RBM8A: variants seen among roughly 807,000 people sequenced by gnomAD.
RBM8A encodes RNA-binding protein 8A.
RBM8A carries 8 observed loss-of-function variants against 25.1 expected under a neutral mutation model. The ratio of observed to expected loss-of-function variants is 0.32; its 90% CI spans 0.19 to 0.58. The LOEUF (loss-of-function observed/expected upper bound fraction) is 0.58. Ranked by LOEUF, RBM8A falls within the 20% of genes least tolerant of loss-of-function variation. The pLI is 0.88. For synonymous variants in RBM8A, 66 were observed against 80.0 expected (o/e 0.82, Z 0.94); for missense variants, 114 against 236.8 (o/e 0.48, Z 3.40).
In RBM8A at chr1:145,923,688, T is replaced by A; in HGVS notation, c.*2194A>T. 1 of 402,532 alleles carries A rather than the reference T, an allele frequency of 2.5e-6. No homozygotes were observed. The highest frequency in any genetic ancestry group is 4.4e-6 in the Non-Finnish European group (1 of 226,532). The allele number at this position is 402,532 out of a possible 1,614,324, so 24.9% of individuals were successfully genotyped here. A position where few individuals can be genotyped will look rare whatever the true frequency, so the allele number is the denominator to read the frequency against. On this transcript the variant is annotated 3_prime_UTR_variant, in exon 6 of 6. Coordinates refer to ENST00000583313, the MANE Select transcript of RBM8A (RefSeq NM_005105.5). ...GTTAAATTTTATTATTTAACATTCT[T>A]TACCATTATAGTTACTGCACATAAG... is the stretch of plus-strand genomic sequence containing the variant.
chr1:145,926,189 G>GA lies in RBM8A; in HGVS notation c.343-13dup. 1 of 1,611,680 alleles carries GA rather than the reference G, an allele frequency of 6.2e-7. No individual in the cohort carries two copies. The highest frequency in any genetic ancestry group is 8.5e-7 in the Non-Finnish European group (1 of 1,178,864). On this transcript the variant is annotated splice_polypyrimidine_tract_variant and intron_variant, in intron 4 of 5. Coordinates refer to ENST00000583313, the MANE Select transcript of RBM8A (RefSeq NM_005105.5). ...ACTAGAGTATACCCCTGGGGAAAGT[G>GA]AAAAGACAGATATGAAAACCCTCCT...
chr1:145,926,065 C>T lies in RBM8A; in HGVS notation c.455G>A (p.Arg152Gln), dbSNP rs782236279. 6.2e-7 allele frequency: 1 copy of T among 1,614,210 alleles called. No homozygotes were observed. The highest frequency in any genetic ancestry group is 8.5e-7 in the Non-Finnish European group (1 of 1,180,036). Residue 152 changes from arginine (R) to glutamine (Q), a missense_variant, in exon 5 of 6, where the codon CGG becomes CAG. Physicochemically the swap from Arg to Gln is conservative, Grantham distance 43 (BLOSUM62 1). Transcript: ENST00000583313. Reference sequence around the variant, plus strand: ...CCTCCTCTTGCCTTTTGGTGGACCCCGAACAAAACACCAGTCAACGCTGAT... The same window carrying T: ...CCTCCTCTTGCCTTTTGGTGGACCCTGAACAAAACACCAGTCAACGCTGAT... ...QPISVDWCFV[R>Q]GPPKGKRRGG...
chr1:145,921,993 G>A lies in RBM8A; in HGVS notation c.*3889C>T, dbSNP rs587672773. On this transcript the variant is annotated 3_prime_UTR_variant, in exon 6 of 6. Transcript: ENST00000583313. ...AATCCCAGCATTTTGGAAGGCCAAG[G>A]TGGGTGGATCACTTGAGGTCAGGAG... is the stretch of plus-strand genomic sequence containing the variant. 2.0e-5 allele frequency: 3 copies of A among 152,342 alleles called. No individual in the cohort carries two copies. The highest frequency in any genetic ancestry group is 3.9e-4 in the East Asian group (2 of 5,182). The allele number at this position is 152,342 out of a possible 1,614,324, so 9.4% of individuals were successfully genotyped here.
chr1:145,926,778 C>G (rs1553756009), intron 3 of RBM8A, 31 bp downstream of exon 3: 1 of 1,614,146 alleles, frequency 6.2e-7, no homozygotes, highest in East Asian at 2.2e-5. Flanking sequence ...ACCACAGACA[C>G]GGATACCTCA....
chr1:145,923,393 G>A lies in RBM8A; in HGVS notation c.*2489C>T, dbSNP rs1647919349. On this transcript the variant is annotated 3_prime_UTR_variant, in exon 6 of 6. Coordinates refer to ENST00000583313, the MANE Select transcript of RBM8A (RefSeq NM_005105.5). ...AGTAGCCTGATCGTAACTCCAAACA[G>A]TTCACAAAATTCTCTTAGGCTGAAA... 6.5e-6 allele frequency: 1 copy of A among 152,998 alleles called. No homozygotes were observed. The highest frequency in any genetic ancestry group is 2.4e-5 in the African/African-American group (1 of 41,474). 9.5% of individuals were successfully genotyped at this position (152,998 alleles called of 1,614,324 possible).
chr1:145,925,642 A>G lies in RBM8A; in HGVS notation c.*240T>C, dbSNP rs1648106207. 1.8e-6 allele frequency: 1 copy of G among 542,566 alleles called. No homozygotes were observed. The highest frequency in any genetic ancestry group is 3.3e-6 in the Non-Finnish European group (1 of 302,626). 33.6% of individuals were successfully genotyped at this position (542,566 alleles called of 1,614,324 possible). A position where few individuals can be genotyped will look rare whatever the true frequency, so the allele number is the denominator to read the frequency against. On this transcript the variant is annotated 3_prime_UTR_variant, in exon 6 of 6. Transcript: ENST00000583313. ...AAGAAATACATAGAGTTCAGTCCCT[A>G]GAAGTATCTTCACAATGATCCATAC... is the stretch of plus-strand genomic sequence containing the variant.
At position 145,923,736 on chromosome 1, in the gene RBM8A, T is replaced by A. The variant is rs182869605; in HGVS notation, c.*2146A>T. 154 of 505,954 alleles carry A rather than the reference T, an allele frequency of 3.0e-4. 1 individual carries two copies. The highest frequency in any genetic ancestry group is 8.0e-4 in the Admixed American group (23 of 28,738). The allele number at this position is 505,954 out of a possible 1,614,324, so 31.3% of individuals were successfully genotyped here. A position where few individuals can be genotyped will look rare whatever the true frequency, so the allele number is the denominator to read the frequency against. ...AAGACTATTACTACTAAAGGTCACT[T>A]CAGAGTCCCTGCAAAATGGCCTGGA... On this transcript the variant is annotated 3_prime_UTR_variant, in exon 6 of 6. Coordinates refer to ENST00000583313, the MANE Select transcript of RBM8A (RefSeq NM_005105.5).
chr1:145,926,110 T>C lies in RBM8A; in HGVS notation c.410A>G (p.Gln137Arg), dbSNP rs1375683040. 11 of 1,614,132 alleles carry C rather than the reference T, an allele frequency of 6.8e-6. No homozygotes were observed. The highest frequency in any genetic ancestry group is 2.2e-5 in the East Asian group (1 of 44,902). ...AQAAMEGLNG[Q>R]DLMGQPISVD... is the part of the protein sequence containing the mutation. ...GCTGATGGGCTGTCCCATCAAATCC[T>C]GGCCATTGAGTCCCTCCATAGCAGC... The change falls in exon 5 of 6, where the codon CAG (glutamine) becomes CGG (arginine). Residue 137 changes from glutamine to arginine, a missense_variant. This residue lies in a region of RBM8A where 102 missense variants were observed against 182.7 expected (regional missense o/e 0.56). Coordinates refer to ENST00000583313, the MANE Select transcript of RBM8A (RefSeq NM_005105.5).
intron 4 of RBM8A, 114 bp from the exon 5 acceptor site, chr1:145,926,291 G>A: frequency 6.8e-7 from 1 of 1,475,690 alleles, no homozygotes; most frequent in Middle Eastern, 1.8e-4. Context: ...AACAATGAAT[G>A]TACATCATAT....
intron 4 of RBM8A, 27 bp downstream of exon 4, chr1:145,926,455 G>C: frequency 6.2e-7 from 1 of 1,611,692 alleles, no homozygotes; most frequent in South Asian, 1.1e-5. Flanking sequence ...TGAAAGAAAG[G>C]AGGCAATAAA....
In RBM8A at chr1:145,925,865, GGAC is replaced by G. The variant is rs1256964850; in HGVS notation, c.*14_*16del. The G allele has an allele frequency of 6.2e-7, 1 of 1,609,370 alleles. No individual in the cohort carries two copies. Among genetic ancestry groups the G allele is most frequent in the African/African-American group, 1.3e-5 (1 of 74,870 alleles). On this transcript the variant is annotated 3_prime_UTR_variant, in exon 6 of 6. Coordinates refer to ENST00000583313, the MANE Select transcript of RBM8A (RefSeq NM_005105.5). ...AAATGGAATCTTGAAGAGAACACCT[GGAC>G]AACAGAGGACCTGTCAGCGACGTCT... is the stretch of plus-strand genomic sequence containing the variant.
At position 145,924,757 on chromosome 1, in the gene RBM8A, C is replaced by G; in HGVS notation, c.*1125G>C. ...TAGCTATGCCCCTCCATCAATTCAC[C>G]CTATACTCAGATCAGAAGCTGAGTG... is the stretch of plus-strand genomic sequence containing the variant. On this transcript the variant is annotated 3_prime_UTR_variant, in exon 6 of 6. Coordinates refer to ENST00000583313, the MANE Select transcript of RBM8A (RefSeq NM_005105.5). 1 of 377,276 alleles carries G rather than the reference C, an allele frequency of 2.7e-6. No individual in the cohort carries two copies. The highest frequency in any genetic ancestry group is 5.4e-6 in the Non-Finnish European group (1 of 185,848). 23.4% of individuals were successfully genotyped at this position (377,276 alleles called of 1,614,324 possible). A position where few individuals can be genotyped will look rare whatever the true frequency, so the allele number is the denominator to read the frequency against.
Position 145,924,333 on chromosome 1 carries a change from T to C in RBM8A, c.*1549A>G, listed in dbSNP as rs1553755449. 2 of 503,378 alleles carry C rather than the reference T, an allele frequency of 4.0e-6. No individual in the cohort carries two copies. The highest frequency in any genetic ancestry group is 4.0e-6 in the Non-Finnish European group (1 of 249,026). 31.2% of individuals were successfully genotyped at this position (503,378 alleles called of 1,614,324 possible). On this transcript the variant is annotated 3_prime_UTR_variant, in exon 6 of 6. Transcript: ENST00000583313. ...TGCTATAGCCGCATTGTCCTCAGTG[T>C]GTCCAGGCCCCAGACAAGGAAGGGG...
At chr1:145,926,777 A>G in intron 3 of RBM8A, 32 bp downstream of exon 3, 1 of 1,614,052 alleles carries the variant, frequency 6.2e-7, no homozygotes. Flanking sequence ...TACCACAGAC[A>G]CGGATACCTC....
At chr1:145,926,978 G>T in intron 2 of RBM8A, 40 bp downstream of exon 2, 1 of 1,614,038 alleles carries the variant, frequency 6.2e-7, no homozygotes, top group South Asian at 1.1e-5. Flanking sequence ...CGTAGCTCCT[G>T]CCCTACTAGG....
intron 1 of RBM8A, 39 bp downstream of exon 1, chr1:145,927,321 C>A: frequency 6.2e-7 from 1 of 1,600,048 alleles, no homozygotes; most frequent in Non-Finnish European, 8.5e-7. Context: ...TTCTCTCGCA[C>A]CTTCCCCGCT....
intron 5 of RBM8A, 33 bp downstream of exon 5, chr1:145,926,008 T>G: frequency 6.2e-7 from 1 of 1,614,216 alleles, no homozygotes; most frequent in East Asian, 2.2e-5. Flanking sequence ...CGTATTCCCT[T>G]CACCCAGACA....
chr1:145,925,101 A>G lies in RBM8A; in HGVS notation c.*781T>C. 1.1e-5 allele frequency: 3 copies of G among 267,046 alleles called. No individual in the cohort carries two copies. Among genetic ancestry groups the G allele is most frequent in the South Asian group, 6.9e-5 (3 of 43,776 alleles). 16.5% of individuals were successfully genotyped at this position (267,046 alleles called of 1,614,324 possible). On this transcript the variant is annotated 3_prime_UTR_variant, in exon 6 of 6. Transcript: ENST00000583313. Reference sequence around the variant, plus strand: ...GAAGAGGGCACCAAGAACTTAGTATAGACTCTTCTAAAGAAGGGTCTGGGA... The same window carrying G: ...GAAGAGGGCACCAAGAACTTAGTATGGACTCTTCTAAAGAAGGGTCTGGGA...
chr1:145,924,495 C>T lies in RBM8A; in HGVS notation c.*1387G>A. 1 of 385,718 alleles carries T rather than the reference C, an allele frequency of 2.6e-6. No individual in the cohort carries two copies. The highest frequency in any genetic ancestry group is 1.9e-5 in the South Asian group (1 of 51,404). 23.9% of individuals were successfully genotyped at this position (385,718 alleles called of 1,614,324 possible). A position where few individuals can be genotyped will look rare whatever the true frequency, so the allele number is the denominator to read the frequency against. On this transcript the variant is annotated 3_prime_UTR_variant, in exon 6 of 6. Transcript: ENST00000583313. ...ATGGTGAGATTCTAACCATGTCTAG[C>T]ACCTGATGCTAGAGATAATTTTGTT...
Sources: gnomAD v4.1 joint callset for allele counts on GRCh38, gnomAD v4.1.1 for gene constraint, gnomAD v4.1.1 regional missense constraint, MANE v1.5 for transcripts, NCBI Gene and HGNC (gene_info 2026-07-23, HGNC 2026-07-21) for gene names.